CNTN6: variants seen among roughly 807,000 people sequenced by gnomAD.
CNTN6 encodes contactin-6.
CNTN6 carries 137 observed loss-of-function variants against 122.8 expected under a neutral mutation model. The ratio of observed to expected loss-of-function variants is 1.12; its 90% CI spans 0.97 to 1.29. The LOEUF (loss-of-function observed/expected upper bound fraction) is 1.29, where lower values mean the gene tolerates loss of function less well. CNTN6 is among the 50% of genes most tolerant of loss of function. CNTN6 has a pLI of 0.00. For missense variants in CNTN6, 1,634 were observed against 1,223.4 expected, an observed-to-expected ratio of 1.34 and a Z score of -5.01; for synonymous variants, 570 against 426.0, an observed-to-expected ratio of 1.34 and a Z score of -4.16.
intron 4 of CNTN6, among the ~76,000 whole-genome samples, chr3:1,264,647 T>C (rs941771988): frequency 3.3e-5 from 5 of 152,172 alleles, no homozygotes; most frequent in Non-Finnish European, 7.3e-5. Context: ...TATCTTTAGA[T>C]TATGGAATGG....
intron 5 of CNTN6, among the ~76,000 whole-genome samples, chr3:1,285,410 A>C (rs960337958): frequency 1.3e-5 from 2 of 152,198 alleles, no homozygotes; most frequent in Admixed American, 6.5e-5. Context: ...CCAGTTAGAT[A>C]CAAGGGTGAA....
At chr3:1,225,583 GA>G (rs1295157239) in intron 3 of CNTN6, among the ~76,000 whole-genome samples, 2 of 152,126 alleles carry the variant, frequency 1.3e-5, no homozygotes, top group African/African-American at 4.8e-5. Context: ...AAACGATAGG[GA>G]ACATGGAAGT....
chr3:1,227,186 T>C (rs34543143), intron 3 of CNTN6, among the ~76,000 whole-genome samples: 16,365 of 152,190 alleles, frequency 0.11, 963 homozygotes, highest in African/African-American at 0.13. Context: ...GCCAAGAGAA[T>C]TTTTGCTTCT....
In CNTN6 at chr3:1,169,617, C is replaced by T. The variant is rs1050892026; in HGVS notation, c.55+21554C>T. Among the ~76,000 whole-genome samples the T allele has an allele frequency of 3.3e-5, 5 of 152,154 alleles. 1 individual carries two copies. Among genetic ancestry groups the T allele is most frequent in the Admixed American group, 3.3e-4 (5 of 15,274 alleles). ...GTAATTCCAAGTAGTAGAGTTTCAGCATATTTTATTTCCTCCTTTTACTTC... is the reference window on the plus strand; with the variant it reads ...GTAATTCCAAGTAGTAGAGTTTCAGTATATTTTATTTCCTCCTTTTACTTC... On this transcript the variant is annotated intron_variant, in intron 2 of 22. Coordinates refer to ENST00000446702, the MANE Select transcript of CNTN6 (RefSeq NM_001289080.2).
chr3:1,153,664 G>C (rs945208768), intron 2 of CNTN6, among the ~76,000 whole-genome samples: 1 of 152,192 alleles, frequency 6.6e-6, no homozygotes, highest in Non-Finnish European at 1.5e-5. Context: ...ACATTGGAAA[G>C]TATTTATGAT....
chr3:1,330,413 T>C (rs1198862398), intron 11 of CNTN6, among the ~76,000 whole-genome samples: 2 of 151,874 alleles, frequency 1.3e-5, no homozygotes, highest in South Asian at 2.1e-4. Context: ...TTTCCTACCA[T>C]AATGGATACA....
intron 2 of CNTN6, among the ~76,000 whole-genome samples, chr3:1,216,681 C>G (rs1234294959): frequency 6.6e-6 from 1 of 152,036 alleles, no homozygotes; most frequent in Non-Finnish European, 1.5e-5. Flanking sequence ...CAGTAATTGA[C>G]CAGGCTAGAA....
chr3:1,377,817 GA>G lies in CNTN6; in HGVS notation c.2166+743del, dbSNP rs548770769. ...CTGTAGAAGGTTGGTGTTGGTAGGG[GA>G]GGAGAAAGGAAAAGGTCTGGATTGC... is the stretch of plus-strand genomic sequence containing the variant. On this transcript the variant is annotated intron_variant, in intron 17 of 22. Coordinates refer to ENST00000446702, the MANE Select transcript of CNTN6 (RefSeq NM_001289080.2). Among the ~76,000 whole-genome samples, 107 of 152,296 alleles carry G rather than the reference GA, an allele frequency of 7.0e-4. 1 individual carries two copies. Among genetic ancestry groups the G allele is most frequent in the African/African-American group, 2.4e-3 (100 of 41,570 alleles).
rs140779543 is a variant in CNTN6, at chr3:1,152,321, T to A, written c.55+4258T>A. On this transcript the variant is annotated intron_variant, in intron 2 of 22. Transcript: ENST00000446702. ...GCTGGGCTAATTTTTTGTATTTTAG[T>A]AGAGACAGGGTTTCACCATGTTGCC... Among the ~76,000 whole-genome samples, 55 of 152,148 alleles carry A rather than the reference T, an allele frequency of 3.6e-4. No homozygotes were observed. The East Asian group carries it at 8.1e-3, about 23-fold the overall frequency.
intron 5 of CNTN6, among the ~76,000 whole-genome samples, chr3:1,288,008 T>C (rs1190176645): frequency 1.3e-5 from 2 of 152,068 alleles, no homozygotes; most frequent in African/African-American, 2.4e-5. Context: ...GTTGGCTCGG[T>C]CTTGAATCCC....
At chr3:1,334,722 G>A (rs769205157) in intron 11 of CNTN6, among the ~76,000 whole-genome samples, 5 of 151,956 alleles carry the variant, frequency 3.3e-5, no homozygotes, top group African/African-American at 4.8e-5. Context: ...TGAAGGCACC[G>A]AGCACCATTC....
chr3:1,293,579 A>G (rs1267080425), intron 5 of CNTN6, among the ~76,000 whole-genome samples: 1 of 152,124 alleles, frequency 6.6e-6, no homozygotes, highest in Non-Finnish European at 1.5e-5. Context: ...CTTCCGTGCC[A>G]GTTTTTAATG....
intron 1 of CNTN6, among the ~76,000 whole-genome samples, chr3:1,100,832 A>G (rs2090851782): frequency 6.6e-6 from 1 of 152,118 alleles, no homozygotes; most frequent in Non-Finnish European, 1.5e-5. Context: ...AAGCTCTCAA[A>G]AAAATTTCAG....
At chr3:1,383,823 A>G (rs561740332) in intron 19 of CNTN6, among the ~76,000 whole-genome samples, 166 of 147,924 alleles carry the variant, frequency 1.1e-3, no homozygotes, top group African/African-American at 4.0e-3. Context: ...TTAATGGGTG[A>G]GTTAGTTATT....
chr3:1,144,300 G>T (rs965235498), intron 1 of CNTN6, among the ~76,000 whole-genome samples: 2 of 152,114 alleles, frequency 1.3e-5, no homozygotes, highest in Non-Finnish European at 2.9e-5. Flanking sequence ...AGGGGACTGG[G>T]CACTGTGGCT....
rs573577967 is a variant in CNTN6, at chr3:1,325,389, A to G, written c.947-426A>G. Among the ~76,000 whole-genome samples the G allele has an allele frequency of 1.4e-3, 219 of 152,030 alleles. 3 individuals are homozygous for G. Among genetic ancestry groups the G allele is most frequent in the African/African-American group, 5.1e-3 (211 of 41,540 alleles). ...ATTGAGTTGTAATTGTGTCTGAAACAGATACAGATTTATTACTTTTAGTTT... is the reference window on the plus strand; with the variant it reads ...ATTGAGTTGTAATTGTGTCTGAAACGGATACAGATTTATTACTTTTAGTTT... On this transcript the variant is annotated intron_variant, in intron 8 of 22. Transcript: ENST00000446702.
chr3:1,268,777 C>T (rs908961288), intron 4 of CNTN6, among the ~76,000 whole-genome samples: 1 of 151,782 alleles, frequency 6.6e-6, no homozygotes, highest in African/African-American at 2.4e-5. Flanking sequence ...AAATATGTCT[C>T]GTTACATCAT....
At chr3:1,295,176 A>G (rs940969798) in intron 5 of CNTN6, among the ~76,000 whole-genome samples, 15 of 152,190 alleles carry the variant, frequency 9.9e-5, no homozygotes, top group African/African-American at 2.9e-4. Context: ...TTTAAGTTAA[A>G]TTTTTAACAA....
intron 11 of CNTN6, among the ~76,000 whole-genome samples, chr3:1,338,165 G>A (rs1703352079): frequency 1.3e-5 from 2 of 152,116 alleles, no homozygotes; most frequent in South Asian, 4.1e-4. Flanking sequence ...GGGTAAATAG[G>A]AGAAAACAAA....
Sources: gnomAD v4.1 joint callset for allele counts (sites outside exome capture counted in the v4.1 genomes callset) on GRCh38, gnomAD v4.1.1 for gene constraint, MANE v1.5 for transcripts, NCBI Gene and HGNC (gene_info 2026-07-23, HGNC 2026-07-21) for gene names.